NAV2: variants seen among roughly 807,000 people sequenced by gnomAD.
NAV2 encodes neuron navigator 2.
A neutral mutation model predicts 223.2 loss-of-function variants in NAV2; 54 were observed. That is an observed-to-expected ratio of 0.24 (90% CI 0.19 to 0.30). The LOEUF is 0.30. Among genes scored for constraint, NAV2 ranks in the 10% least tolerant of loss-of-function variants. The probability of loss-of-function intolerance (pLI) is 1.00; values close to 1 mark genes in which losing one functional copy is unlikely to be tolerated. For synonymous variants in NAV2, 1,279 were observed against 1,239.3 expected, an observed-to-expected ratio of 1.03 and a Z score of -0.67; for missense variants, 2,806 against 3,147.5, an observed-to-expected ratio of 0.89 and a Z score of 2.60.
chr11:19,965,598 C>T (rs1157691414), intron 10 of NAV2, among the ~76,000 whole-genome samples: 4 of 152,254 alleles, frequency 2.6e-5, no homozygotes, highest in African/African-American at 9.6e-5. Context: ...GCCCATCCAA[C>T]AAATCCATTC....
rs181077798 is a variant in NAV2 at position 19,393,750 on chromosome 11, C to T, written c.75+42723C>T. Among the ~76,000 whole-genome samples, 650 of 152,160 alleles carry T rather than the reference C, an allele frequency of 4.3e-3. 3 individuals carry two copies. Among genetic ancestry groups the T allele is most frequent in the Non-Finnish European group, 7.3e-3 (496 of 67,980 alleles). On this transcript the variant is annotated intron_variant, in intron 1 of 37. Transcript: ENST00000360655. ...CTCTAGGCTTTTTAATTTGGATTTT[C>T]TTCTTTTTTCTCTCTCCTCTGTGCC...
rs2045671292 is a variant in NAV2 at position 19,934,541 on chromosome 11, G to T, written c.2033+264G>T. The stretch of plus-strand genomic sequence containing the variant: ...CTGATCCCAGGATGCATAGGAAAGT[G>T]GGGACCCCAGGCCTTGTAGCAGCAG... On this transcript the variant is annotated intron_variant, in intron 7 of 37. Transcript: ENST00000349880. Among the ~76,000 whole-genome samples the T allele has an allele frequency of 2.0e-5, 3 of 152,130 alleles. No individual in the cohort carries two copies. In the South Asian group the frequency reaches 6.2e-4, roughly 32 times the overall value.
intron 1 of NAV2, among the ~76,000 whole-genome samples, chr11:19,549,429 G>T (rs2044617783): frequency 6.6e-6 from 1 of 152,192 alleles, no homozygotes; most frequent in African/African-American, 2.4e-5. Flanking sequence ...GCTTTCTCTT[G>T]GGGGATGGAA....
chr11:19,782,858 G>A (rs1321322291), intron 1 of NAV2, among the ~76,000 whole-genome samples: 1 of 152,208 alleles, frequency 6.6e-6, no homozygotes, highest in Non-Finnish European at 1.5e-5. Flanking sequence ...TTTAAACAGG[G>A]TAACAAGAAG....
upstream of NAV2, among the ~76,000 whole-genome samples, chr11:19,709,523 G>A (rs2049794735): frequency 7.0e-6 from 1 of 142,402 alleles, no homozygotes; most frequent in South Asian, 2.3e-4. Flanking sequence ...CTCCAGCCTG[G>A]GCAGCAGAGT....
At chr11:20,079,129 C>T (rs1025874595) in intron 24 of NAV2, among the ~76,000 whole-genome samples, 4 of 152,110 alleles carry the variant, frequency 2.6e-5, no homozygotes, top group Non-Finnish European at 5.9e-5. Context: ...TAACCTCTGC[C>T]TCCTGCGTTC....
At chr11:19,490,373 T>A (rs549338120) in intron 1 of NAV2, among the ~76,000 whole-genome samples, 2 of 152,330 alleles carry the variant, frequency 1.3e-5, no homozygotes, top group South Asian at 4.1e-4. Context: ...TTATTTCACA[T>A]TGGACTCAGT....
At chr11:20,100,566 TGTGTGTG>T (rs2061568874) in intron 31 of NAV2, among the ~76,000 whole-genome samples, 1 of 150,918 alleles carries the variant, frequency 6.6e-6, no homozygotes, top group Non-Finnish European at 1.5e-5. Context: ...TGTGTGTGTG[TGTGTGTG>T]TGTGTGTGTG....
intron 1 of NAV2, among the ~76,000 whole-genome samples, chr11:19,512,885 T>C (rs997915738): frequency 1.3e-5 from 2 of 152,238 alleles, no homozygotes; most frequent in African/African-American, 4.8e-5. Context: ...TGGATGATGC[T>C]GCAAAGAGAG....
chr11:20,108,699 A>G (rs974400435), intron 36 of NAV2, among the ~76,000 whole-genome samples: 1 of 146,592 alleles, frequency 6.8e-6, no homozygotes, highest in Non-Finnish European at 1.5e-5. Context: ...CAATTCACCC[A>G]CCTTGGCCTC....
chr11:19,712,696 A>G (rs1441923307), upstream of NAV2: 2 of 151,134 alleles, frequency 1.3e-5, no homozygotes, highest in African/African-American at 2.4e-5. Context: ...GCGGCCCCAG[A>G]GTTTCGGCGG....
intron 1 of NAV2, among the ~76,000 whole-genome samples, chr11:19,736,922 GA>G (rs914640442): frequency 9.2e-5 from 14 of 151,614 alleles, no homozygotes; most frequent in East Asian, 1.9e-4. Context: ...CCTACCAGGG[GA>G]AAAAAAAACT....
chr11:20,045,212 A>C lies in NAV2; in HGVS notation c.3444A>C (p.Thr1148=). 1 of 1,614,164 alleles carries C rather than the reference A, an allele frequency of 6.2e-7. No individual in the cohort carries two copies. Among genetic ancestry groups the C allele is most frequent in the Non-Finnish European group, 8.5e-7 (1 of 1,180,018 alleles). The part of the protein sequence containing the change: ...SGVTVTSRSA[T]LGKIPKSSAL... ...TGACTGTCACCAGCAGGTCAGCCAC[A>C]CTGGGCAAAATCCCAAAGTCATCTG... is the stretch of plus-strand genomic sequence containing the variant. The change falls in exon 14 of 38, where the codon ACA becomes ACC. Residue 1148 remains threonine, a synonymous_variant. Coordinates refer to ENST00000349880, the MANE Select transcript of NAV2 (RefSeq NM_145117.5).
chr11:19,635,668 A>C (rs2047476516), intron 1 of NAV2, among the ~76,000 whole-genome samples: 1 of 152,230 alleles, frequency 6.6e-6, no homozygotes, highest in South Asian at 2.1e-4. Context: ...TATTTATAAC[A>C]ACCTGCCCTC....
chr11:19,834,014 A>G (rs1456913361), intron 2 of NAV2, among the ~76,000 whole-genome samples: 2 of 152,190 alleles, frequency 1.3e-5, no homozygotes, highest in Non-Finnish European at 2.9e-5. Context: ...TAATCATGGG[A>G]ATGGCATCTT....
At chr11:19,724,329 C>G (rs143255378) in intron 1 of NAV2, among the ~76,000 whole-genome samples, 1 of 152,178 alleles carries the variant, frequency 6.6e-6, no homozygotes, top group Admixed American at 6.5e-5. Flanking sequence ...ATATTTTTTC[C>G]CCTCCTTCTA....
intron 1 of NAV2, among the ~76,000 whole-genome samples, chr11:19,774,677 G>T (rs1471561724): frequency 7.9e-5 from 12 of 152,180 alleles, no homozygotes; most frequent in Admixed American, 7.2e-4. Context: ...CCTCGGCAAA[G>T]CTGGGTAAGT....
At chr11:19,439,197 AG>A in intron 1 of NAV2, among the ~76,000 whole-genome samples, 1 of 152,342 alleles carries the variant, frequency 6.6e-6, no homozygotes, top group East Asian at 1.9e-4. Context: ...CAAGCGTTTT[AG>A]AAACTCTCTG....
At chr11:19,561,875 T>C (rs1033490316) in intron 1 of NAV2, among the ~76,000 whole-genome samples, 1 of 152,210 alleles carries the variant, frequency 6.6e-6, no homozygotes, top group Admixed American at 6.5e-5. Context: ...GAAGAGATCC[T>C]GCCCCACTGC....
Sources: allele counts gnomAD v4.1 joint callset (sites outside exome capture counted in the v4.1 genomes callset), GRCh38; gene constraint gnomAD v4.1.1; transcripts MANE v1.5; gene names NCBI Gene and HGNC (gene_info 2026-07-23, HGNC 2026-07-21).